Variants in CTU2 observed in about 807,000 individuals in gnomAD.
The protein encoded by CTU2 is cytoplasmic tRNA 2-thiolation protein 2.
CTU2 carries 80 observed loss-of-function variants against 64.1 expected under a neutral mutation model. The ratio of observed to expected loss-of-function variants is 1.25; its 90% CI spans 1.04 to 1.50. The LOEUF is 1.50. Among genes scored for constraint, CTU2 ranks in the 40% most tolerant of loss-of-function variants. CTU2 has a pLI of 0.00. For synonymous variants in CTU2, 482 were observed against 285.3 expected (o/e 1.69, Z -6.95); for missense variants, 1,110 against 690.2 (o/e 1.61, Z -6.81).
At chr16:88,714,289 CGGGTGGTGA>C in intron 10 of CTU2, 62 bp downstream of exon 10, 1 of 1,543,042 alleles carries the variant, frequency 6.5e-7, no homozygotes, top group Non-Finnish European at 9.0e-7. Context: ...CGGGTGTGTG[CGGGTGGTGA>C]GCTCACCACT....
intron 3 of CTU2, 88 bp from the exon 4 acceptor site, chr16:88,710,135 A>G (rs2142713019): frequency 6.3e-7 from 1 of 1,584,664 alleles, no homozygotes; most frequent in East Asian, 2.2e-5. Flanking sequence ...GCCTTTGAGG[A>G]CAGACTCGAT....
At position 88,712,828 on chromosome 16, in the gene CTU2, C is replaced by T. The variant is rs1403198258; in HGVS notation, c.660C>T (p.Ala220=). ...ACCTGGCAAGACCGCCTGCCCCTGC[C>T]CAGACTGAGGCTCTTTCCCAACTGT... ...PQNLARPPAP[A]QTEALSQLFC... Residue 220 remains alanine (A), a synonymous_variant, in exon 7 of 15, where the codon GCC becomes GCT. Transcript: ENST00000453996. 1.9e-6 allele frequency: 3 copies of T among 1,594,840 alleles called. No homozygotes were observed. The highest frequency in any genetic ancestry group is 2.6e-6 in the Non-Finnish European group (3 of 1,171,466).
intron 4 of CTU2, chr16:88,710,615 C>A (rs1911246846): frequency 3.1e-6 from 1 of 327,150 alleles, no homozygotes; most frequent in Non-Finnish European, 5.8e-6. Flanking sequence ...TGTGTGCGGC[C>A]CACTCTCAGA....
chr16:88,714,476 C>A lies in CTU2; in HGVS notation c.1191C>A (p.Val397=), dbSNP rs147808203. ...RCLLCMCALD[V]DAADSATAFG... ...TCCTCTGCATGTGTGCCCTGGACGT[C>A]GACGCCGCTGGTCTGTGTTTCATGC... is the stretch of plus-strand genomic sequence containing the variant. Residue 397 remains valine (V), a synonymous_variant, in exon 11 of 15, where the codon GTC becomes GTA. Transcript: ENST00000453996. The A allele has an allele frequency of 1.2e-6, 2 of 1,612,454 alleles. No individual in the cohort carries two copies. Among genetic ancestry groups the A allele is most frequent in the Non-Finnish European group, 1.7e-6 (2 of 1,179,856 alleles).
chr16:88,711,825 G>A (rs985159881), intron 5 of CTU2, 130 bp downstream of exon 5: 4 of 830,796 alleles, frequency 4.8e-6, no homozygotes, highest in Admixed American at 5.4e-5. Context: ...TACTGGTGCT[G>A]CCCCTGCACT....
In CTU2 at chr16:88,712,860, C is replaced by T. The variant is rs756009473; in HGVS notation, c.692C>T (p.Ser231Leu). Residue 231 changes from serine to leucine, a missense_variant, in exon 7 of 15, where the codon TCA becomes TTA. Coordinates refer to ENST00000453996, the MANE Select transcript of CTU2 (RefSeq NM_001012759.3). ...QTEALSQLFC[S>L]VRTLTAKEEL... The stretch of plus-strand genomic sequence containing the variant: ...GAGGCTCTTTCCCAACTGTTCTGCT[C>T]AGTGAGGACACTGACTGCCAAGGAG... 6.4e-7 allele frequency: 1 copy of T among 1,561,566 alleles called. No homozygotes were observed. The highest frequency in any genetic ancestry group is 2.0e-4 in the Middle Eastern group (1 of 4,932).
In CTU2 at chr16:88,715,097, G is replaced by T; in HGVS notation, c.1469G>T (p.Arg490Leu). Residue 490 changes from arginine (R) to leucine (L), a missense_variant, in exon 14 of 15, where the codon CGC (arginine) becomes CTC (leucine). Physicochemically the swap from Arg to Leu is moderately radical, Grantham distance 102. Coordinates refer to ENST00000453996, the MANE Select transcript of CTU2 (RefSeq NM_001012759.3). ...TACATCCTGGCTGAGGCCCAGCTCC[G>T]CACACAGAGGTACTGGGGCCCACAC... ...PPYILAEAQL[R>L]TQRAWGLQEI... The T allele has an allele frequency of 6.3e-7, 1 of 1,584,540 alleles. No individual in the cohort carries two copies.
At chr16:88,707,233 A>G (rs768454413) in intron 2 of CTU2, 23 bp downstream of exon 2, 3 of 1,609,762 alleles carry the variant, frequency 1.9e-6, no homozygotes, top group Non-Finnish European at 2.6e-6. Context: ...GGTGGCTGAG[A>G]CCCTGGCAAA....
chr16:88,712,209 G>A, intron 5 of CTU2, 65 bp from the exon 6 acceptor site: 1 of 1,377,946 alleles, frequency 7.3e-7, no homozygotes, highest in Non-Finnish European at 1.0e-6. Context: ...AGGTGGAGGT[G>A]GCCCTGCAGC....
intron 1 of CTU2, 102 bp from the exon 2 acceptor site, chr16:88,707,034 C>G: frequency 1.7e-6 from 2 of 1,206,306 alleles, no homozygotes; most frequent in Non-Finnish European, 2.4e-6. Flanking sequence ...CTTTCTCTGA[C>G]CCAACTCAGG....
In CTU2 at chr16:88,707,218, C is replaced by G. The variant is rs781306227; in HGVS notation, c.143+8C>G. Reference sequence around the variant, plus strand: ...CGGAGATGCCTTCTGCAGGTGAGGCCTGGAGGTGGCTGAGACCCTGGCAAA... The same window carrying G: ...CGGAGATGCCTTCTGCAGGTGAGGCGTGGAGGTGGCTGAGACCCTGGCAAA... On this transcript the variant is annotated splice_region_variant and intron_variant, in intron 2 of 14. Transcript: ENST00000453996. 2 of 1,613,508 alleles carry G rather than the reference C, an allele frequency of 1.2e-6. No homozygotes were observed. The highest frequency in any genetic ancestry group is 1.7e-6 in the Non-Finnish European group (2 of 1,179,614).
chr16:88,709,649 G>T, intron 2 of CTU2: 1 of 447,170 alleles, frequency 2.2e-6, no homozygotes, highest in East Asian at 4.2e-5. Context: ...GAGCGCCTGT[G>T]GGGAGGGGTG....
At position 88,714,169 on chromosome 16, in the gene CTU2, G is replaced by T; in HGVS notation, c.1039G>T (p.Glu347Ter). Residue 347 changes from glutamate to a stop codon, truncating the protein, a stop_gained, in exon 10 of 15, where the codon GAG becomes TAG. Transcript: ENST00000453996. LOFTEE classifies it high-confidence loss of function. The part of the protein sequence containing the change: ...PEKASIHRLM[E>*]AFILRLQTQF... ...AAAGGCCAGCATCCACCGGCTGATGGAGGCCTTCATCCTCAGGCTGCAGAC... is the reference window on the plus strand; with the variant it reads ...AAAGGCCAGCATCCACCGGCTGATGTAGGCCTTCATCCTCAGGCTGCAGAC... 2 of 1,612,738 alleles carry T rather than the reference G, an allele frequency of 1.2e-6. No homozygotes were observed. Among genetic ancestry groups the T allele is most frequent in the Non-Finnish European group, 1.7e-6 (2 of 1,179,914 alleles).
At chr16:88,710,548 C>T in intron 4 of CTU2, 1 of 498,814 alleles carries the variant, frequency 2.0e-6, no homozygotes, top group Middle Eastern at 5.4e-4. Context: ...TGTGTGCGGC[C>T]CACTCTCAGA....
intron 6 of CTU2, 39 bp from the exon 7 acceptor site, chr16:88,712,583 G>T (rs775716297): frequency 2.5e-6 from 4 of 1,593,050 alleles, no homozygotes; most frequent in Non-Finnish European, 3.4e-6. Flanking sequence ...GCACCTGCCC[G>T]TGTCCCGGGC....
In CTU2 at chr16:88,710,089, C is replaced by T. The variant is rs1010746103; in HGVS notation, c.222+73C>T. The T allele has an allele frequency of 7.6e-6, 12 of 1,581,402 alleles. No individual in the cohort carries two copies. In the African/African-American group the frequency reaches 1.1e-4, roughly 14 times the overall value. On this transcript the variant is annotated intron_variant, in intron 3 of 14. Coordinates refer to ENST00000453996, the MANE Select transcript of CTU2 (RefSeq NM_001012759.3). ...GGTCCCTGCTTGTCCCTCCCACAGGCAGCCTGGCCTGCTGCAGCCCGCCAG... is the reference window on the plus strand; with the variant it reads ...GGTCCCTGCTTGTCCCTCCCACAGGTAGCCTGGCCTGCTGCAGCCCGCCAG...
chr16:88,714,980 C>A (rs1352273270), intron 13 of CTU2, 54 bp downstream of exon 13: 8 of 1,603,102 alleles, frequency 5.0e-6, no homozygotes, highest in Admixed American at 1.7e-5. Context: ...GGAAGGCCGT[C>A]ACCTCGTGGG....
intron 2 of CTU2, chr16:88,708,822 C>T (rs1306654392): frequency 6.6e-6 from 1 of 152,144 alleles, no homozygotes; most frequent in Non-Finnish European, 1.5e-5. Context: ...TGCTCTTCAC[C>T]CTGCCTGCCA....
At position 88,712,894 on chromosome 16, in the gene CTU2, G is replaced by T. The variant is rs775933646; in HGVS notation, c.726G>T (p.Leu242=). ...CACTGACTGCCAAGGAGGAGCTTCT[G>T]CAGACCCTGCGGTGAGGCCCCGAGA... ...VRTLTAKEEL[L]QTLRTHLILH... Residue 242 remains leucine, a synonymous_variant, in exon 7 of 15, where the codon CTG becomes CTT. Transcript: ENST00000453996. The T allele has an allele frequency of 6.6e-7, 1 of 1,523,038 alleles. No individual in the cohort carries two copies. The highest frequency in any genetic ancestry group is 1.3e-5 in the South Asian group (1 of 78,728). The allele number at this position is 1,523,038 out of a possible 1,614,324, so 94.3% of individuals were successfully genotyped here. A position where few individuals can be genotyped will look rare whatever the true frequency, so the allele number is the denominator to read the frequency against.
Sources: gnomAD v4.1 joint callset for allele counts on GRCh38, gnomAD v4.1.1 for gene constraint, MANE v1.5 for transcripts, NCBI Gene and HGNC (gene_info 2026-07-23, HGNC 2026-07-21) for gene names.